GPRC6A: variants seen among roughly 807,000 people sequenced by gnomAD.
GPRC6A encodes the protein G protein-coupled receptor class C group 6 member A, also known as G protein-coupled receptor family C group 6 member A.
GPRC6A carries 54 observed loss-of-function variants against 47.0 expected under a neutral mutation model. That is an observed-to-expected ratio of 1.15 (90% confidence interval 0.92 to 1.44). The LOEUF (loss-of-function observed/expected upper bound fraction) is 1.44. GPRC6A is among the 40% of genes most tolerant of loss of function. The pLI is 0.00. For missense variants in GPRC6A, 1,112 were observed against 1,105.5 expected (o/e 1.01, Z -0.08); for synonymous variants, 347 against 377.1 (o/e 0.92, Z 0.93).
At position 116,793,115 on chromosome 6, in the gene GPRC6A, A is replaced by G. The variant is rs373722896; in HGVS notation, c.1808T>C (p.Leu603Pro). ...LAILLLILSL[L>P]GIIFVLVVGI... ...AACAACCAGAACAAATATGATTCCC[A>G]GTAGGGAGAGAATCAGGAGTAGGAT... Residue 603 changes from leucine to proline, a missense_variant, in exon 6 of 6, where the codon CTG (leucine) becomes CCG (proline). By Grantham distance (98) the Leu-to-Pro change is moderately conservative. Coordinates refer to ENST00000310357, the MANE Select transcript of GPRC6A (RefSeq NM_148963.4). The G allele has an allele frequency of 6.2e-7, 1 of 1,613,968 alleles. No homozygotes were observed. The highest frequency in any genetic ancestry group is 8.5e-7 in the Non-Finnish European group (1 of 1,179,866).
intron 1 of GPRC6A, among the ~76,000 whole-genome samples, chr6:116,822,162 T>C (rs1773510990): frequency 1.5e-5 from 2 of 137,902 alleles, no homozygotes; most frequent in African/African-American, 5.7e-5. Context: ...CACAATGAGA[T>C]ACCATCTCAC....
intron 1 of GPRC6A, among the ~76,000 whole-genome samples, chr6:116,818,233 T>A (rs1427463662): frequency 1.5e-4 from 22 of 151,716 alleles, no homozygotes; most frequent in African/African-American, 5.3e-4. Flanking sequence ...TATTCAACAT[T>A]CTTAAAGAAA....
chr6:116,816,111 A>T (rs1418925694), intron 1 of GPRC6A, among the ~76,000 whole-genome samples: 1 of 152,174 alleles, frequency 6.6e-6, no homozygotes, highest in African/African-American at 2.4e-5. Context: ...CCCAAATCTC[A>T]TGTCCTTCTC....
intron 3 of GPRC6A, among the ~76,000 whole-genome samples, chr6:116,802,389 C>T (rs1178588574): frequency 1.3e-5 from 2 of 152,092 alleles, no homozygotes; most frequent in African/African-American, 4.8e-5. Flanking sequence ...TATCAATTGA[C>T]ACTACAAAAT....
chr6:116,800,945 C>T, intron 3 of GPRC6A, 149 bp from the exon 4 acceptor site: 1 of 616,390 alleles, frequency 1.6e-6, no homozygotes, highest in Non-Finnish European at 2.8e-6. Flanking sequence ...TCTTAACTAT[C>T]TGGCAACAAT....
chr6:116,822,013 A>T, intron 1 of GPRC6A, among the ~76,000 whole-genome samples: 1 of 143,352 alleles, frequency 7.0e-6, no homozygotes, highest in Admixed American at 7.0e-5. Context: ...CAAATTTACA[A>T]GAAAAAAACG....
At chr6:116,805,067 T>G (rs1273624884) in intron 3 of GPRC6A, among the ~76,000 whole-genome samples, 2 of 152,102 alleles carry the variant, frequency 1.3e-5, no homozygotes, top group Non-Finnish European at 2.9e-5. Flanking sequence ...CTAAAAAAGA[T>G]AATTTATGGT....
In GPRC6A at chr6:116,828,953, A is replaced by C. The variant is rs760264403; in HGVS notation, c.61T>G (p.Cys21Gly). 6.2e-7 allele frequency: 1 copy of C among 1,613,334 alleles called. No individual in the cohort carries two copies. Among genetic ancestry groups the C allele is most frequent in the Admixed American group, 1.7e-5 (1 of 59,850 alleles). The change falls in exon 1 of 6, where the codon TGC (cysteine) becomes GGC (glycine). Residue 21 changes from cysteine to glycine, a missense_variant. By Grantham distance (159) the Cys-to-Gly change is radical. Coordinates refer to ENST00000310357, the MANE Select transcript of GPRC6A (RefSeq NM_148963.4). ...FVIILATSQP[C>G]QTPDDFVAAT... Reference sequence around the variant, plus strand: ...GCCACAAAGTCATCAGGGGTCTGGCAAGGCTGTGAAGTAGCAAGAATAATC... The same window carrying C: ...GCCACAAAGTCATCAGGGGTCTGGCCAGGCTGTGAAGTAGCAAGAATAATC...
At chr6:116,809,762 AT>A (rs1161663277) in intron 1 of GPRC6A, 145 bp from the exon 2 acceptor site, 2 of 580,010 alleles carry the variant, frequency 3.4e-6, no homozygotes, top group African/African-American at 3.7e-5. Context: ...TTTAAAAACA[AT>A]TTTTCATGAT....
chr6:116,818,532 T>TCAAAAAAAAAAA lies in GPRC6A; in HGVS notation c.195-8916_195-8915insTTTTTTTTTTTG, dbSNP rs1554263527. Among the ~76,000 whole-genome samples, 37 of 15,508 alleles carry TCAAAAAAAAAAA rather than the reference T, an allele frequency of 2.4e-3. 15 individuals are homozygous for TCAAAAAAAAAAA. Among genetic ancestry groups the TCAAAAAAAAAAA allele is most frequent in the Non-Finnish European group, 5.3e-3 (31 of 5,892 alleles). 10.2% of individuals were successfully genotyped at this position (15,508 alleles called of 152,430 possible). A position where few individuals can be genotyped will look rare whatever the true frequency, so the allele number is the denominator to read the frequency against. On this transcript the variant is annotated intron_variant, in intron 1 of 5. Coordinates refer to ENST00000310357, the MANE Select transcript of GPRC6A (RefSeq NM_148963.4). ...CTGGGCGACAGAGCGAGACTCCGTC[T>TCAAAAAAAAAAA]AAAAAAAAAAAAAAAAAAAAAAAAA...
At chr6:116,802,955 C>G (rs1038380159) in intron 3 of GPRC6A, among the ~76,000 whole-genome samples, 1 of 152,128 alleles carries the variant, frequency 6.6e-6, no homozygotes, top group South Asian at 2.1e-4. Flanking sequence ...CAAAATTACT[C>G]TCATGTCTCT....
intron 1 of GPRC6A, among the ~76,000 whole-genome samples, chr6:116,817,472 CA>C (rs2114611998): frequency 6.6e-6 from 1 of 152,210 alleles, no homozygotes; most frequent in South Asian, 2.1e-4. Context: ...CTCTAAAAAG[CA>C]GAGCACCTCT....
chr6:116,819,161 T>C (rs931036013), intron 1 of GPRC6A, among the ~76,000 whole-genome samples: 9 of 151,926 alleles, frequency 5.9e-5, no homozygotes, highest in Admixed American at 1.3e-4. Context: ...GAGCTAACTA[T>C]CCTAAATATA....
chr6:116,811,354 G>C (rs1773018117), intron 1 of GPRC6A, among the ~76,000 whole-genome samples: 1 of 151,872 alleles, frequency 6.6e-6, no homozygotes, highest in Admixed American at 6.6e-5. Flanking sequence ...TGAAACATCA[G>C]ATGTATATAT....
intron 1 of GPRC6A, among the ~76,000 whole-genome samples, chr6:116,817,211 T>C (rs1717049711): frequency 1.3e-5 from 2 of 152,032 alleles, no homozygotes; most frequent in African/African-American, 4.8e-5. Context: ...GACTGCCTCC[T>C]CAAGTGGGTC....
At position 116,806,885 on chromosome 6, in the gene GPRC6A, T is replaced by C. The variant is rs763810877; in HGVS notation, c.820A>G (p.Ile274Val). ...KIILEAQVNVIVVFLRQFHVF... is the reference protein window; with the variant it reads ...KIILEAQVNVVVVFLRQFHVF... ...TGGAATTGCCTCAGAAATACCACAA[T>C]GACATTAACCTGGGCTTCTAAAATG... Residue 274 changes from isoleucine (I) to valine (V), a missense_variant, in exon 3 of 6, where the codon ATT (isoleucine) becomes GTT (valine). Physicochemically the swap from Ile to Val is conservative, Grantham distance 29. Transcript: ENST00000310357. 5.7e-5 allele frequency: 92 copies of C among 1,613,296 alleles called. 1 individual carries two copies. In the South Asian group the frequency reaches 9.6e-4, roughly 17 times the overall value.
In GPRC6A at chr6:116,806,417, A is replaced by C. The variant is rs764242635; in HGVS notation, c.1288T>G (p.Cys430Gly). The C allele has an allele frequency of 3.7e-5, 60 of 1,613,242 alleles. No individual in the cohort carries two copies. The highest frequency in any genetic ancestry group is 3.3e-4 in the Middle Eastern group (2 of 6,074). Residue 430 changes from cysteine to glycine, a missense_variant, in exon 3 of 6, where the codon TGT becomes GGT. By Grantham distance (159) the Cys-to-Gly change is radical. Coordinates refer to ENST00000310357, the MANE Select transcript of GPRC6A (RefSeq NM_148963.4). ...FALGYAIRDL[C>G]QARDCQNPNA... ...GGGTTCTGACAGTCACGAGCTTGAC[A>C]CAGATCCCGAATGGCATAACCAAGG...
In GPRC6A at chr6:116,809,462, A is replaced by G. The variant is rs375116535; in HGVS notation, c.350T>C (p.Leu117Pro). ...TTCTCTGGAGCAGTTGAATTTAGAA[A>G]GAAACCTCAGAGTGGCTGCCATTGC... ...TVAMAATLRF[L>P]SKFNCSRETV... The change falls in exon 2 of 6, where the codon CTT becomes CCT. Residue 117 changes from leucine (L) to proline (P), a missense_variant. Transcript: ENST00000310357. 1.9e-6 allele frequency: 3 copies of G among 1,613,706 alleles called. No homozygotes were observed. Among genetic ancestry groups the G allele is most frequent in the African/African-American group, 2.7e-5 (2 of 74,910 alleles).
At position 116,809,357 on chromosome 6, in the gene GPRC6A, G is replaced by C. The variant is rs1244695578; in HGVS notation, c.455C>G (p.Thr152Ser). ...ATTCAACATCCTGGAGACAGCCATA[G>C]TTATTTCTGAGTACCCAGAACCTAT... Reference protein sequence around the residue: ...AVIGSGYSEITMAVSRMLNLQ... With the variant: ...AVIGSGYSEISMAVSRMLNLQ... Residue 152 changes from threonine to serine, a missense_variant, in exon 2 of 6, where the codon ACT becomes AGT. By Grantham distance (58) the Thr-to-Ser change is moderately conservative. Coordinates refer to ENST00000310357, the MANE Select transcript of GPRC6A (RefSeq NM_148963.4). 1.9e-6 allele frequency: 3 copies of C among 1,613,662 alleles called. No homozygotes were observed. The highest frequency in any genetic ancestry group is 2.5e-6 in the Non-Finnish European group (3 of 1,179,696).
Sources: allele counts gnomAD v4.1 joint callset (sites outside exome capture counted in the v4.1 genomes callset), GRCh38; gene constraint gnomAD v4.1.1; transcripts MANE v1.5; gene names NCBI Gene and HGNC (gene_info 2026-07-23, HGNC 2026-07-21).